The following SLC2A13 variants were observed in gnomAD, a reference collection of about 807,000 sequenced individuals.
SLC2A13 encodes the protein solute carrier family 2 member 13.
A neutral mutation model predicts 64.4 loss-of-function variants in SLC2A13; 32 were observed. The ratio of observed to expected loss-of-function variants is 0.50; its 90% CI spans 0.37 to 0.67. The LOEUF is 0.67. Among genes scored for constraint, SLC2A13 ranks in the 30% least tolerant of loss-of-function variants. The probability of loss-of-function intolerance (pLI) is 0.00; values close to 1 mark genes in which losing one functional copy is unlikely to be tolerated. For missense variants in SLC2A13, 743 were observed against 829.2 expected (o/e 0.90, Z 1.28); for synonymous variants, 338 against 327.1 (o/e 1.03, Z -0.36).
chr12:40,065,054 C>T (rs1937670405), intron 1 of SLC2A13, among the ~76,000 whole-genome samples: 1 of 151,996 alleles, frequency 6.6e-6, no homozygotes, highest in Admixed American at 6.6e-5. Flanking sequence ...GAAAGTTATA[C>T]TTATCTTGAA....
intron 7 of SLC2A13, among the ~76,000 whole-genome samples, chr12:39,786,691 G>A (rs1941201181): frequency 6.6e-6 from 1 of 152,134 alleles, no homozygotes; most frequent in African/African-American, 2.4e-5. Flanking sequence ...AGGAATTGGG[G>A]GAACTTAGAC....
chr12:39,859,480 C>A (rs976091175), intron 6 of SLC2A13, among the ~76,000 whole-genome samples: 1 of 151,826 alleles, frequency 6.6e-6, no homozygotes, highest in African/African-American at 2.4e-5. Context: ...ACTTTAAGTA[C>A]CTCTGCAGAT....
intron 4 of SLC2A13, among the ~76,000 whole-genome samples, chr12:39,925,011 T>C (rs1278125492): frequency 6.7e-6 from 1 of 150,146 alleles, no homozygotes; most frequent in Admixed American, 6.7e-5. Context: ...ATAGGTTAAG[T>C]GTCCTATACA....
chr12:39,916,100 C>T (rs769901056), intron 4 of SLC2A13, among the ~76,000 whole-genome samples: 2 of 151,676 alleles, frequency 1.3e-5, no homozygotes, highest in African/African-American at 2.4e-5. Flanking sequence ...ATTTTAATAA[C>T]CAGCATCTTC....
At chr12:39,782,524 C>A (rs546914947) in intron 7 of SLC2A13, among the ~76,000 whole-genome samples, 33 of 152,106 alleles carry the variant, frequency 2.2e-4, no homozygotes, top group Non-Finnish European at 4.4e-4. Flanking sequence ...AACTGTAAGT[C>A]CAATTAAACC....
intron 1 of SLC2A13, among the ~76,000 whole-genome samples, chr12:40,056,557 A>AT (rs1555158396): frequency 6.6e-6 from 1 of 152,200 alleles, no homozygotes; most frequent in Non-Finnish European, 1.5e-5. Flanking sequence ...AAGCAACAGC[A>AT]TAAGTGGTGT....
At chr12:39,899,047 G>C (rs1945008307) in intron 4 of SLC2A13, among the ~76,000 whole-genome samples, 1 of 152,070 alleles carries the variant, frequency 6.6e-6, no homozygotes, top group Non-Finnish European at 1.5e-5. Context: ...AATAGTTTCA[G>C]AAGGAATGGT....
At chr12:39,894,617 G>T (rs999504085) in intron 4 of SLC2A13, among the ~76,000 whole-genome samples, 1 of 152,136 alleles carries the variant, frequency 6.6e-6, no homozygotes, top group Non-Finnish European at 1.5e-5. Context: ...GATTACAAGG[G>T]AAAATAAAAT....
intron 3 of SLC2A13, among the ~76,000 whole-genome samples, chr12:39,952,474 G>T (rs1355692267): frequency 6.6e-6 from 1 of 152,106 alleles, no homozygotes; most frequent in African/African-American, 2.4e-5. Flanking sequence ...CACAAAAATG[G>T]AATACAATAT....
intron 3 of SLC2A13, among the ~76,000 whole-genome samples, chr12:39,975,628 C>A (rs924275565): frequency 5.9e-5 from 9 of 152,180 alleles, no homozygotes; most frequent in African/African-American, 2.2e-4. Context: ...TAAGATTTCC[C>A]AGAAGGAACT....
At chr12:40,076,411 T>C (rs117846586) in intron 1 of SLC2A13, among the ~76,000 whole-genome samples, 7 of 152,298 alleles carry the variant, frequency 4.6e-5, no homozygotes, top group Non-Finnish European at 8.8e-5. Context: ...ACATGAAGTA[T>C]CTGATTTTCT....
intron 3 of SLC2A13, among the ~76,000 whole-genome samples, chr12:39,985,024 T>C (rs2136156104): frequency 6.6e-6 from 1 of 152,310 alleles, no homozygotes; most frequent in Non-Finnish European, 1.5e-5. Flanking sequence ...AGTTTGCTTC[T>C]GTTACCTATA....
intron 1 of SLC2A13, among the ~76,000 whole-genome samples, chr12:40,058,042 C>CAGATAGATAGATAGAT (rs10534370): frequency 2.6e-4 from 38 of 145,252 alleles, no homozygotes; most frequent in African/African-American, 5.3e-4. Context: ...AATTTCTCTC[C>CAGATAGATAGATAGAT]AGATAGATAG....
chr12:39,932,108 T>C (rs1945834684), intron 4 of SLC2A13, among the ~76,000 whole-genome samples: 1 of 152,180 alleles, frequency 6.6e-6, no homozygotes, highest in Non-Finnish European at 1.5e-5. Context: ...TTTTCTTCCA[T>C]GCTGCTTTCA....
chr12:39,955,200 A>G (rs1046825556), intron 3 of SLC2A13, among the ~76,000 whole-genome samples: 7 of 152,224 alleles, frequency 4.6e-5, no homozygotes, highest in African/African-American at 1.4e-4. Flanking sequence ...TAACATAGAA[A>G]TCAGTAACTG....
At chr12:40,019,743 G>T (rs1013735528) in intron 3 of SLC2A13, among the ~76,000 whole-genome samples, 1 of 152,092 alleles carries the variant, frequency 6.6e-6, no homozygotes, top group African/African-American at 2.4e-5. Context: ...TATCTTGAAG[G>T]TTTATTTTAT....
Position 40,105,777 on chromosome 12 carries a change from T to C in SLC2A13, c.32A>G (p.Tyr11Cys). The C allele has an allele frequency of 6.7e-7, 1 of 1,488,138 alleles. No homozygotes were observed. Among genetic ancestry groups the C allele is most frequent in the Non-Finnish European group, 8.9e-7 (1 of 1,119,396 alleles). 92.2% of individuals were successfully genotyped at this position (1,488,138 alleles called of 1,614,324 possible). A position where few individuals can be genotyped will look rare whatever the true frequency, so the allele number is the denominator to read the frequency against. ...CAGGCTGCTCAGGCTCCGCAGCGTG[T>C]ACTCCACATTCTCGCTTGCCTTGCG... MSRKASENVE[Y>C]TLRSLSSLMG... The change falls in exon 1 of 10, where the codon TAC becomes TGC. Residue 11 changes from tyrosine to cysteine, a missense_variant. This residue lies in a region of SLC2A13 where 448 missense variants were observed against 447.4 expected (regional missense o/e 1.00). Transcript: ENST00000280871. This position sits in a 1 kb window ranked among gnomAD's most constrained non-coding sequence, Gnocchi z 4.2.
chr12:39,991,439 G>T (rs1343308598), intron 3 of SLC2A13, among the ~76,000 whole-genome samples: 1 of 152,156 alleles, frequency 6.6e-6, no homozygotes, highest in Non-Finnish European at 1.5e-5. Context: ...AGACACAGGA[G>T]GCAGATTAGC....
At chr12:39,994,046 T>G (rs1432317451) in intron 3 of SLC2A13, among the ~76,000 whole-genome samples, 1 of 152,182 alleles carries the variant, frequency 6.6e-6, no homozygotes, top group African/African-American at 2.4e-5. Context: ...TCTTGCAATC[T>G]TCTTTTTCCA....
Sources: gnomAD v4.1 joint callset for allele counts (sites outside exome capture counted in the v4.1 genomes callset) on GRCh38, gnomAD v4.1.1 for gene constraint, gnomAD v4.1.1 regional missense constraint, Gnocchi (gnomAD v3.1) non-coding constraint, MANE v1.5 for transcripts, NCBI Gene and HGNC (gene_info 2026-07-23, HGNC 2026-07-21) for gene names.